QSER1: variants seen among roughly 807,000 people sequenced by gnomAD.
The protein encoded by QSER1 is glutamine and serine-rich protein 1.
In QSER1, 49 loss-of-function variants were observed where a neutral mutation model predicts 158.5. That is an observed-to-expected ratio of 0.31 (90% confidence interval 0.25 to 0.39). The LOEUF (loss-of-function observed/expected upper bound fraction) is 0.39, where lower values mean the gene tolerates loss of function less well. Among genes scored for constraint, QSER1 ranks in the 10% least tolerant of loss-of-function variants. The pLI is 1.00. For missense variants in QSER1, 1,754 were observed against 2,010.3 expected (o/e 0.87, Z 2.44); for synonymous variants, 650 against 715.5 (o/e 0.91, Z 1.46).
chr11:32,895,045 C>G (rs1049061514), intron 1 of QSER1, among the ~76,000 whole-genome samples: 2 of 152,126 alleles, frequency 1.3e-5, no homozygotes, highest in African/African-American at 2.4e-5. Context: ...TGAAATACTA[C>G]CTAGTTACTT....
chr11:32,904,190 T>A (rs1851660605), intron 1 of QSER1, among the ~76,000 whole-genome samples: 1 of 131,830 alleles, frequency 7.6e-6, no homozygotes, highest in Non-Finnish European at 1.6e-5. Context: ...TTTCTTTTTC[T>A]TTTTTTTTTT....
chr11:32,931,282 CTA>C (rs1384828587), intron 3 of QSER1, among the ~76,000 whole-genome samples: 1 of 152,006 alleles, frequency 6.6e-6, no homozygotes, highest in African/African-American at 2.4e-5. Context: ...CATTTTTACT[CTA>C]TGAAAACTAG....
chr11:32,893,968 G>A lies in QSER1; in HGVS notation c.209+634G>A, dbSNP rs1851521143. On this transcript the variant is annotated intron_variant, in intron 1 of 12. Coordinates refer to ENST00000650167, the MANE Select transcript of QSER1 (RefSeq NM_001076786.3). This position sits in a 1 kb window ranked among gnomAD's most constrained non-coding sequence, Gnocchi z 4.7. ...GATTTAGGCGATTTTTCTTCCACGC[G>A]TTCAAAGTTGCTCTTAGGTTTCCTC... 1.3e-5 allele frequency among the ~76,000 whole-genome samples: 2 copies of A among 151,436 alleles called. No individual in the cohort carries two copies. The highest frequency in any genetic ancestry group is 1.3e-4 in the Admixed American group (2 of 15,162).
At chr11:32,963,789 A>G (rs762827005) in intron 8 of QSER1, among the ~76,000 whole-genome samples, 2 of 152,176 alleles carry the variant, frequency 1.3e-5, no homozygotes, top group Non-Finnish European at 2.9e-5. Context: ...CGGTCCCCCA[A>G]GTAGCTAGGA....
chr11:32,964,717 C>A (rs1590184830), intron 8 of QSER1, among the ~76,000 whole-genome samples: 1 of 64,262 alleles, frequency 1.6e-5, no homozygotes, highest in African/African-American at 7.0e-5. Flanking sequence ...AAAAAAACAC[C>A]ATATATATAT....
intron 1 of QSER1, among the ~76,000 whole-genome samples, chr11:32,915,166 C>T (rs755302285): frequency 6.6e-6 from 1 of 152,140 alleles, no homozygotes; most frequent in Non-Finnish European, 1.5e-5. Flanking sequence ...CCTTGGCCTC[C>T]CAAAGTGCTG....
At chr11:32,954,710 G>T (rs1224328245) in intron 5 of QSER1, among the ~76,000 whole-genome samples, 1 of 152,014 alleles carries the variant, frequency 6.6e-6, no homozygotes, top group East Asian at 1.9e-4. Context: ...AATAGAGATG[G>T]GATCATGCTA....
At chr11:32,899,264 G>A (rs1851595960) in intron 1 of QSER1, among the ~76,000 whole-genome samples, 1 of 152,190 alleles carries the variant, frequency 6.6e-6, no homozygotes, top group African/African-American at 2.4e-5. Context: ...CTCTGCTTCA[G>A]TGTGGGAATT....
At position 32,933,511 on chromosome 11, in the gene QSER1, T is replaced by C. The variant is rs1257999243; in HGVS notation, c.2253T>C (p.Ile751=). The C allele has an allele frequency of 1.2e-6, 2 of 1,612,444 alleles. No individual in the cohort carries two copies. Among genetic ancestry groups the C allele is most frequent in the East Asian group, 4.5e-5 (2 of 44,870 alleles). ...ATTCCCGTCTTGAAGATCAAGTTAT[T>C]GGGGTTGCTCTGCAAGCATCAAAAA... is the stretch of plus-strand genomic sequence containing the variant. ...RSNSRLEDQV[I]GVALQASKKE... is the part of the protein sequence containing the mutation. Residue 751 remains isoleucine (I), a synonymous_variant, in exon 4 of 13, where the codon ATT becomes ATC. Coordinates refer to ENST00000650167, the MANE Select transcript of QSER1 (RefSeq NM_001076786.3).
chr11:32,953,935 C>T lies in QSER1; in HGVS notation c.4256C>T (p.Ala1419Val), dbSNP rs1852467200. The T allele has an allele frequency of 8.7e-6, 14 of 1,614,016 alleles. No individual in the cohort carries two copies. Among genetic ancestry groups the T allele is most frequent in the Non-Finnish European group, 1.2e-5 (14 of 1,180,018 alleles). ...TATTSSTTVG[A>V]VKQEPLHSTS... ...ACTACTTCCTCAACCACTGTGGGTG[C>T]AGTTAAGCAAGAACCTCTCCACTCT... Residue 1419 changes from alanine to valine, a missense_variant, in exon 5 of 13, where the codon GCA (alanine) becomes GTA (valine). By Grantham distance (64) the Ala-to-Val change is moderately conservative. Coordinates refer to ENST00000650167, the MANE Select transcript of QSER1 (RefSeq NM_001076786.3).
chr11:32,966,657 A>G (rs1478282401), intron 9 of QSER1, among the ~76,000 whole-genome samples: 1 of 152,224 alleles, frequency 6.6e-6, no homozygotes. Context: ...AAAATTGTAT[A>G]GCTTCTAACC....
chr11:32,898,435 G>A (rs565903122), intron 1 of QSER1, among the ~76,000 whole-genome samples: 2 of 151,872 alleles, frequency 1.3e-5, no homozygotes, highest in East Asian at 3.9e-4. Flanking sequence ...GCCGTGAGCT[G>A]TGATGGTGCC....
intron 1 of QSER1, among the ~76,000 whole-genome samples, chr11:32,905,970 T>C (rs978435839): frequency 6.6e-6 from 1 of 152,182 alleles, no homozygotes; most frequent in African/African-American, 2.4e-5. Flanking sequence ...GTAACTTGTT[T>C]CAAAATATAT....
chr11:32,931,168 A>T (rs962732624), intron 3 of QSER1, among the ~76,000 whole-genome samples: 1 of 151,850 alleles, frequency 6.6e-6, no homozygotes, highest in East Asian at 1.9e-4. Flanking sequence ...ATCACTAGAG[A>T]TATGTACATT....
At chr11:32,944,031 T>G (rs1852286850) in intron 4 of QSER1, among the ~76,000 whole-genome samples, 1 of 152,054 alleles carries the variant, frequency 6.6e-6, no homozygotes, top group African/African-American at 2.4e-5. Flanking sequence ...GTAGAGGTGT[T>G]TGTAGTATTC....
chr11:32,904,100 A>G (rs1322230982), intron 1 of QSER1, among the ~76,000 whole-genome samples: 1 of 152,028 alleles, frequency 6.6e-6, no homozygotes, highest in African/African-American at 2.4e-5. Flanking sequence ...CTACTAACAC[A>G]GTTTCCTTAC....
intron 1 of QSER1, among the ~76,000 whole-genome samples, chr11:32,920,977 C>G (rs1851892644): frequency 6.6e-6 from 1 of 152,128 alleles, no homozygotes; most frequent in Admixed American, 6.6e-5. Flanking sequence ...TTTCATTTGA[C>G]CCAGCAATTT....
intron 1 of QSER1, among the ~76,000 whole-genome samples, chr11:32,899,313 TC>T (rs1463516427): frequency 1.3e-5 from 2 of 152,266 alleles, no homozygotes; most frequent in East Asian, 3.9e-4. Flanking sequence ...CTAATGCCAT[TC>T]CCCCTCTACC....
rs376737996 is a variant in QSER1 at position 32,933,818 on chromosome 11, G to A, written c.2560G>A (p.Val854Ile). The change falls in exon 4 of 13, where the codon GTC (valine) becomes ATC (isoleucine). Residue 854 changes from valine to isoleucine, a missense_variant. Val to Ile is a conservative substitution (Grantham distance 29, BLOSUM62 3). This residue lies in a region of QSER1 where 1,707 missense variants were observed against 1,919.6 expected (regional missense o/e 0.89). Coordinates refer to ENST00000650167, the MANE Select transcript of QSER1 (RefSeq NM_001076786.3). ...TCAGGCATCTCTTCCTAATACACAG[G>A]TCCTTTTAGATTCTGCCTGTGATTT... is the stretch of plus-strand genomic sequence containing the variant. ...GHQASLPNTQ[V>I]LLDSACDLQI... 2 of 1,613,704 alleles carry A rather than the reference G, an allele frequency of 1.2e-6. No homozygotes were observed. The highest frequency in any genetic ancestry group is 1.7e-6 in the Non-Finnish European group (2 of 1,179,878).
Sources: gnomAD v4.1 joint callset for allele counts (sites outside exome capture counted in the v4.1 genomes callset) on GRCh38, gnomAD v4.1.1 for gene constraint, gnomAD v4.1.1 regional missense constraint, Gnocchi (gnomAD v3.1) non-coding constraint, MANE v1.5 for transcripts, NCBI Gene and HGNC (gene_info 2026-07-23, HGNC 2026-07-21) for gene names.